WNT7A: variants seen among roughly 807,000 people sequenced by gnomAD.
The protein encoded by WNT7A is protein Wnt-7a.
A neutral mutation model predicts 28.2 loss-of-function variants in WNT7A; 16 were observed. That is an observed-to-expected ratio of 0.57 (90% CI 0.38 to 0.86). The LOEUF (loss-of-function observed/expected upper bound fraction) is 0.86, where lower values mean the gene tolerates loss of function less well. Ranked by LOEUF, WNT7A falls within the 40% of genes least tolerant of loss-of-function variation. The pLI, the probability that WNT7A is intolerant of heterozygous loss-of-function variation, is 0.00. For synonymous variants in WNT7A, 190 were observed against 195.9 expected, an observed-to-expected ratio of 0.97 and a Z score of 0.25; for missense variants, 411 against 489.7, an observed-to-expected ratio of 0.84 and a Z score of 1.52.
At chr3:13,847,273 C>T (rs1258132438) in intron 3 of WNT7A, among the ~76,000 whole-genome samples, 5 of 152,184 alleles carry the variant, frequency 3.3e-5, no homozygotes, top group Non-Finnish European at 5.9e-5. Context: ...TCCCACTAAG[C>T]TTTTCTCAAG....
chr3:13,862,999 G>C (rs918705211), intron 2 of WNT7A, among the ~76,000 whole-genome samples: 2 of 152,120 alleles, frequency 1.3e-5, no homozygotes, highest in African/African-American at 4.8e-5. Flanking sequence ...TCCTGACAGC[G>C]GGACCTTGAA....
Position 13,818,897 on chromosome 3 carries a change from C to T in WNT7A, c.*47G>A, listed in dbSNP as rs139127818. ...CCCGCAGCTTGGAAACGGTCCAGTCCTCCCAGCAATCTGACTTGCAGCGGG... is the reference window on the plus strand; with the variant it reads ...CCCGCAGCTTGGAAACGGTCCAGTCTTCCCAGCAATCTGACTTGCAGCGGG... On this transcript the variant is annotated 3_prime_UTR_variant, in exon 4 of 4. Coordinates refer to ENST00000285018, the MANE Select transcript of WNT7A (RefSeq NM_004625.4). The T allele has an allele frequency of 1.3e-4, 197 of 1,538,772 alleles. No individual in the cohort carries two copies. The highest frequency in any genetic ancestry group is 6.6e-4 in the Middle Eastern group (3 of 4,542).
At chr3:13,851,656 CA>C (rs1365439243) in intron 3 of WNT7A, among the ~76,000 whole-genome samples, 1 of 152,146 alleles carries the variant, frequency 6.6e-6, no homozygotes, top group Non-Finnish European at 1.5e-5. Context: ...GTCTTGAGGG[CA>C]AAAACTGTGG....
chr3:13,848,706 T>TA (rs1694578386), intron 3 of WNT7A, among the ~76,000 whole-genome samples: 1 of 152,194 alleles, frequency 6.6e-6, no homozygotes, highest in Non-Finnish European at 1.5e-5. Flanking sequence ...AAGCTAAACA[T>TA]ACAGCCATCA....
In WNT7A at chr3:13,865,826, A is replaced by T. The variant is rs538453629; in HGVS notation, c.298+9121T>A. On this transcript the variant is annotated intron_variant, in intron 2 of 3. Coordinates refer to ENST00000285018, the MANE Select transcript of WNT7A (RefSeq NM_004625.4). ...CACATGCTGGCGGTCTGGGGAGAAG[A>T]GGATCAGCAGATCTGGGCCCCATGG... Among the ~76,000 whole-genome samples the T allele has an allele frequency of 2.0e-5, 3 of 152,108 alleles. 1 individual carries two copies. The highest frequency in any genetic ancestry group is 2.0e-4 in the Admixed American group (3 of 15,296).
intron 2 of WNT7A, among the ~76,000 whole-genome samples, chr3:13,862,322 C>A (rs1407796922): frequency 6.6e-6 from 1 of 152,212 alleles, no homozygotes; most frequent in East Asian, 1.9e-4. Flanking sequence ...TCCAAGCCTG[C>A]CCAAAAGATT....
intron 3 of WNT7A, among the ~76,000 whole-genome samples, chr3:13,841,474 G>A (rs376115612): frequency 2.6e-5 from 4 of 152,204 alleles, no homozygotes; most frequent in Non-Finnish European, 4.4e-5. Flanking sequence ...TCGCTGAACC[G>A]CTCTGTGCCT....
intron 2 of WNT7A, among the ~76,000 whole-genome samples, chr3:13,865,035 G>C (rs1219947748): frequency 6.6e-6 from 1 of 152,194 alleles, no homozygotes; most frequent in African/African-American, 2.4e-5. Context: ...TAGATTCCAA[G>C]TTGACCTATA....
chr3:13,844,282 A>G (rs1694504791), intron 3 of WNT7A, among the ~76,000 whole-genome samples: 1 of 152,178 alleles, frequency 6.6e-6, no homozygotes, highest in Non-Finnish European at 1.5e-5. Flanking sequence ...AGGAATGACA[A>G]TAGGCCCTTC....
At chr3:13,864,353 C>G (rs1334679631) in intron 2 of WNT7A, among the ~76,000 whole-genome samples, 3 of 152,164 alleles carry the variant, frequency 2.0e-5, no homozygotes, top group Non-Finnish European at 4.4e-5. Flanking sequence ...ACCCTCCCTA[C>G]GCTACGCCCT....
chr3:13,863,504 A>G (rs903768480), intron 2 of WNT7A, among the ~76,000 whole-genome samples: 5 of 152,160 alleles, frequency 3.3e-5, no homozygotes, highest in Non-Finnish European at 2.9e-5. Context: ...TGTCTACCAC[A>G]TGAAAGCTGG....
chr3:13,820,405 G>GA (rs36001991), intron 3 of WNT7A, among the ~76,000 whole-genome samples: 3,106 of 143,342 alleles, frequency 0.022, 30 homozygotes, highest in African/African-American at 0.031. Flanking sequence ...CCTTTTTACA[G>GA]AAAAAAAAAA....
intron 2 of WNT7A, among the ~76,000 whole-genome samples, chr3:13,871,274 T>G (rs1406299087): frequency 6.6e-6 from 1 of 152,186 alleles, no homozygotes; most frequent in Non-Finnish European, 1.5e-5. Context: ...AAGACAGCCC[T>G]TGTTAGCTGG....
intron 3 of WNT7A, among the ~76,000 whole-genome samples, chr3:13,820,336 T>G (rs540337707): frequency 6.6e-6 from 1 of 152,084 alleles, no homozygotes; most frequent in South Asian, 2.1e-4. Flanking sequence ...GCACACACAC[T>G]GGGCCCATGC....
intron 2 of WNT7A, among the ~76,000 whole-genome samples, chr3:13,865,684 G>A (rs552764644): frequency 3.3e-5 from 5 of 152,306 alleles, no homozygotes; most frequent in African/African-American, 9.6e-5. Context: ...GGCCAGGCCT[G>A]TCCTCAAGGG....
intron 2 of WNT7A, among the ~76,000 whole-genome samples, chr3:13,865,928 AG>A (rs1173069801): frequency 1.3e-5 from 2 of 152,258 alleles, no homozygotes. Flanking sequence ...AAAAGTGGTA[AG>A]TGCTGCAAAG....
intron 2 of WNT7A, among the ~76,000 whole-genome samples, chr3:13,871,288 T>C (rs1054533126): frequency 3.9e-5 from 6 of 152,188 alleles, no homozygotes; most frequent in African/African-American, 9.6e-5. Flanking sequence ...TAGCTGGTCA[T>C]TCCCAGAAAG....
intron 1 of WNT7A, chr3:13,876,936 T>C (rs2124881135): frequency 6.6e-6 from 1 of 152,306 alleles, no homozygotes; most frequent in African/African-American, 2.4e-5. Flanking sequence ...TACTGAAATG[T>C]TTTCATGTCT....
chr3:13,848,368 C>T (rs538980792), intron 3 of WNT7A, among the ~76,000 whole-genome samples: 1 of 152,284 alleles, frequency 6.6e-6, no homozygotes, highest in South Asian at 2.1e-4. Context: ...AAGAAATATC[C>T]AAACTCACCA....
Sources: allele counts gnomAD v4.1 joint callset (sites outside exome capture counted in the v4.1 genomes callset), GRCh38; gene constraint gnomAD v4.1.1; transcripts MANE v1.5; gene names NCBI Gene and HGNC (gene_info 2026-07-23, HGNC 2026-07-21).